TUSC3: variants seen among roughly 807,000 people sequenced by gnomAD.
TUSC3 encodes the protein dolichyl-diphosphooligosaccharide--protein glycosyltransferase subunit TUSC3.
TUSC3 carries 45 observed loss-of-function variants against 44.8 expected under a neutral mutation model. The observed-to-expected ratio is 1.00, with a 90% CI of 0.79 to 1.29. TUSC3 has a LOEUF of 1.29. Ranked by LOEUF, TUSC3 falls within the 50% of genes most tolerant of loss-of-function variation. The pLI is 0.00. For missense variants in TUSC3, 519 were observed against 437.9 expected (o/e 1.19, Z -1.65); for synonymous variants, 212 against 152.9 (o/e 1.39, Z -2.85).
chr8:15,475,603 A>C (rs1348071970), intron 1 of TUSC3, among the ~76,000 whole-genome samples: 5 of 152,184 alleles, frequency 3.3e-5, no homozygotes, highest in African/African-American at 4.8e-5. Context: ...GTATAAGTAA[A>C]TCAACTGGAA....
intron 6 of TUSC3, among the ~76,000 whole-genome samples, chr8:15,729,257 G>A (rs902865837): frequency 6.6e-6 from 1 of 152,126 alleles, no homozygotes; most frequent in Non-Finnish European, 1.5e-5. Flanking sequence ...TTTAATTAAA[G>A]TTTTTACAAA....
chr8:15,570,101 C>T (rs959244145), intron 1 of TUSC3, among the ~76,000 whole-genome samples: 1 of 152,088 alleles, frequency 6.6e-6, no homozygotes, highest in Non-Finnish European at 1.5e-5. Flanking sequence ...TATTACTACT[C>T]TTGGTTATAG....
chr8:15,745,438 A>G (rs561823685), intron 8 of TUSC3, among the ~76,000 whole-genome samples: 2 of 152,170 alleles, frequency 1.3e-5, no homozygotes, highest in East Asian at 1.9e-4. Flanking sequence ...GTGCATAAGC[A>G]TTCCCTTTTC....
At chr8:15,665,464 C>T (rs1409118714) in intron 5 of TUSC3, among the ~76,000 whole-genome samples, 2 of 150,972 alleles carry the variant, frequency 1.3e-5, no homozygotes, top group Admixed American at 1.3e-4. Flanking sequence ...TTTTAAGGCT[C>T]ATATTTTTTT....
At chr8:15,719,849 G>C (rs1353714175) in intron 6 of TUSC3, among the ~76,000 whole-genome samples, 3 of 152,060 alleles carry the variant, frequency 2.0e-5, no homozygotes, top group Admixed American at 6.6e-5. Flanking sequence ...GCCTGGTATG[G>C]AGCCAGAGAT....
intron 8 of TUSC3, among the ~76,000 whole-genome samples, chr8:15,744,953 C>G (rs537306815): frequency 6.6e-6 from 1 of 152,172 alleles, no homozygotes; most frequent in East Asian, 1.9e-4. Flanking sequence ...GCTCCTCACT[C>G]CATCCCCACT....
intron 1 of TUSC3, among the ~76,000 whole-genome samples, chr8:15,615,607 A>C (rs1382632606): frequency 1.3e-5 from 2 of 152,144 alleles, no homozygotes; most frequent in Non-Finnish European, 2.9e-5. Flanking sequence ...CCAAATCTAG[A>C]AGAGAGGATT....
chr8:15,827,870 G>A, the TUSC3 span, among the ~76,000 whole-genome samples: 1 of 152,100 alleles, frequency 6.6e-6, no homozygotes, highest in Admixed American at 6.6e-5. Flanking sequence ...TTGGGATAGG[G>A]TGAATATATG....
At chr8:15,648,501 C>CG (rs35319627) in intron 2 of TUSC3, among the ~76,000 whole-genome samples, 29,347 of 151,198 alleles carry the variant, frequency 0.19, 2,797 homozygotes, top group South Asian at 0.27. Context: ...CTGAGGCGGG[C>CG]GGATCACGAG....
intron 6 of TUSC3, among the ~76,000 whole-genome samples, chr8:15,692,834 A>G (rs560007644): frequency 1.3e-5 from 2 of 152,198 alleles, no homozygotes; most frequent in African/African-American, 2.4e-5. Flanking sequence ...CTCTAAGAAC[A>G]TGTGTTCCTC....
At chr8:15,512,949 T>TATATATAATC (rs1478262757) in intron 2 of TUSC3, among the ~76,000 whole-genome samples, 22 of 141,060 alleles carry the variant, frequency 1.6e-4, no homozygotes, top group Admixed American at 6.4e-4. Flanking sequence ...TATATATATA[T>TATATATAATC]ATATATATAT....
chr8:15,631,431 C>G (rs1207555956), intron 2 of TUSC3, among the ~76,000 whole-genome samples: 1 of 151,876 alleles, frequency 6.6e-6, no homozygotes, highest in African/African-American at 2.4e-5. Flanking sequence ...CAGCTATAGT[C>G]TCTTCATCTT....
chr8:15,743,698 G>A, intron 8 of TUSC3, 86 bp downstream of exon 8: 1 of 1,390,388 alleles, frequency 7.2e-7, no homozygotes, highest in Admixed American at 1.7e-5. Flanking sequence ...AAAGCCCTTT[G>A]TAAACAAACT....
At chr8:15,582,318 C>T (rs948078691) in intron 1 of TUSC3, among the ~76,000 whole-genome samples, 1 of 152,192 alleles carries the variant, frequency 6.6e-6, no homozygotes, top group Non-Finnish European at 1.5e-5. Context: ...CCTGTTCAGC[C>T]ATCTTCCTCT....
At chr8:15,808,988 C>A in the TUSC3 span, among the ~76,000 whole-genome samples, 1 of 151,964 alleles carries the variant, frequency 6.6e-6, no homozygotes, top group Non-Finnish European at 1.5e-5. Context: ...GTAACTAAAC[C>A]CAAGTTTGGC....
intron 6 of TUSC3, among the ~76,000 whole-genome samples, chr8:15,675,938 T>C (rs1367928517): frequency 6.6e-6 from 1 of 152,124 alleles, no homozygotes; most frequent in Non-Finnish European, 1.5e-5. Flanking sequence ...TTATTTTCCT[T>C]TGGGTATATA....
intron 2 of TUSC3, among the ~76,000 whole-genome samples, chr8:15,648,716 ACT>A: frequency 9.4e-6 from 1 of 106,070 alleles, no homozygotes; most frequent in Non-Finnish European, 1.9e-5. Flanking sequence ...ACAGAGCAAG[ACT>A]CTGTGTCAAA....
intron 8 of TUSC3, among the ~76,000 whole-genome samples, chr8:15,744,896 A>G (rs187610154): frequency 2.6e-5 from 4 of 152,122 alleles, no homozygotes; most frequent in African/African-American, 9.6e-5. Flanking sequence ...GGATCTCATC[A>G]CCCAATAATG....
Position 15,540,565 on chromosome 8 carries a change from G to A in TUSC3, c.135G>A (p.Lys45=). 6.3e-7 allele frequency: 1 copy of A among 1,585,522 alleles called. No homozygotes were observed. Among genetic ancestry groups the A allele is most frequent in the Non-Finnish European group, 8.6e-7 (1 of 1,166,542 alleles). ...AGCTCGGGGGAGGACAGAAGAAAAA[G>A]GAGGTAGAATGGATCCCCTTGGCCT... The part of the protein sequence containing the change: ...CIQLGGGQKK[K]ENLLAEKVEQ... The change falls in exon 1 of 11, where the codon AAG becomes AAA. Residue 45 remains lysine, a synonymous_variant. Coordinates refer to ENST00000503731, the MANE Select transcript of TUSC3 (RefSeq NM_006765.4).
Sources: allele counts gnomAD v4.1 joint callset (sites outside exome capture counted in the v4.1 genomes callset), GRCh38; gene constraint gnomAD v4.1.1; transcripts MANE v1.5; gene names NCBI Gene and HGNC (gene_info 2026-07-23, HGNC 2026-07-21).